STPG2: variants seen among roughly 807,000 people sequenced by gnomAD.
The protein encoded by STPG2 is sperm-tail PG-rich repeat-containing protein 2.
A neutral mutation model predicts 54.2 loss-of-function variants in STPG2; 56 were observed. The observed-to-expected ratio is 1.03, with a 90% CI of 0.83 to 1.29. The LOEUF (loss-of-function observed/expected upper bound fraction) is 1.29. Ranked by LOEUF, STPG2 falls within the 50% of genes most tolerant of loss-of-function variation. The pLI is 0.00. For synonymous variants in STPG2, 200 were observed against 181.8 expected (o/e 1.10, Z -0.81); for missense variants, 596 against 544.9 (o/e 1.09, Z -0.93).
At chr4:97,886,197 G>T (rs370305406) in intron 8 of STPG2, among the ~76,000 whole-genome samples, 3 of 152,098 alleles carry the variant, frequency 2.0e-5, no homozygotes, top group Non-Finnish European at 4.4e-5. Flanking sequence ...TGGCAAAATC[G>T]AAGTGTATTC....
At chr4:97,948,738 G>T (rs1474177650) in intron 7 of STPG2, among the ~76,000 whole-genome samples, 1 of 152,026 alleles carries the variant, frequency 6.6e-6, no homozygotes, top group Non-Finnish European at 1.5e-5. Context: ...TTCTTCTGGA[G>T]TTGATTTCTA....
intron 10 of STPG2, among the ~76,000 whole-genome samples, chr4:97,683,792 A>C (rs530769889): frequency 7.2e-5 from 11 of 151,898 alleles, no homozygotes; most frequent in African/African-American, 2.6e-4. Context: ...AAACTAAATA[A>C]AAGTATATAA....
At chr4:97,723,505 A>G (rs1724520866) in intron 9 of STPG2, among the ~76,000 whole-genome samples, 1 of 152,140 alleles carries the variant, frequency 6.6e-6, no homozygotes, top group African/African-American at 2.4e-5. Flanking sequence ...GTATTCACTG[A>G]TATTTTCTTC....
intron 9 of STPG2, among the ~76,000 whole-genome samples, chr4:97,736,594 G>A (rs1725004909): frequency 6.6e-6 from 1 of 152,164 alleles, no homozygotes; most frequent in Non-Finnish European, 1.5e-5. Context: ...TGCCCACGGA[G>A]TCTCACTGAT....
intron 5 of STPG2, among the ~76,000 whole-genome samples, chr4:97,983,461 A>C (rs986799807): frequency 2.0e-5 from 3 of 152,174 alleles, no homozygotes; most frequent in Non-Finnish European, 4.4e-5. Context: ...TCAGAGGTCA[A>C]CTGTACTTAG....
chr4:98,087,174 A>T (rs970980739), intron 5 of STPG2, among the ~76,000 whole-genome samples: 1 of 152,190 alleles, frequency 6.6e-6, no homozygotes, highest in African/African-American at 2.4e-5. Flanking sequence ...AAGATAATAG[A>T]ATACAGGTTC....
rs149491374 is a variant in STPG2, at chr4:97,949,805, G to A, written c.934-5798C>T. Among the ~76,000 whole-genome samples, 122 of 152,242 alleles carry A rather than the reference G, an allele frequency of 8.0e-4. 2 individuals are homozygous for A. The East Asian group carries it at 0.021, about 27-fold the overall frequency. ...GGTTACCTGATGCTTTTGCCTCATG[G>A]CTCTTAGAATTATTTCATTCACATT... On this transcript the variant is annotated intron_variant, in intron 7 of 10. Coordinates refer to ENST00000295268, the MANE Select transcript of STPG2 (RefSeq NM_174952.3).
intron 3 of STPG2, among the ~76,000 whole-genome samples, chr4:98,112,653 C>T (rs918615042): frequency 6.6e-6 from 1 of 152,012 alleles, no homozygotes; most frequent in African/African-American, 2.4e-5. Context: ...TATAGTTTTT[C>T]TAAAGAGTTA....
At chr4:97,714,356 T>A (rs1724223929) in intron 9 of STPG2, among the ~76,000 whole-genome samples, 1 of 152,156 alleles carries the variant, frequency 6.6e-6, no homozygotes, top group Admixed American at 6.6e-5. Flanking sequence ...CATTCTAATA[T>A]CAGCTCAATT....
At position 98,060,698 on chromosome 4, in the gene STPG2, G is replaced by T. The variant is rs184220710; in HGVS notation, c.612+45255C>A. 1.5e-3 allele frequency among the ~76,000 whole-genome samples: 227 copies of T among 152,166 alleles called. 1 individual carries two copies. The highest frequency in any genetic ancestry group is 5.3e-3 in the African/African-American group (219 of 41,492). On this transcript the variant is annotated intron_variant, in intron 5 of 10. Transcript: ENST00000295268. ...GGGCTACAGTAACCAAAACAGCATG[G>T]CACTGGTACAAAAACAGGCACATAG...
At chr4:97,797,821 C>T (rs948185723) in intron 9 of STPG2, among the ~76,000 whole-genome samples, 5 of 152,194 alleles carry the variant, frequency 3.3e-5, no homozygotes, top group African/African-American at 1.2e-4. Context: ...TGGTCCTGGA[C>T]TTTTTTTGGT....
intron 4 of STPG2, among the ~76,000 whole-genome samples, chr4:97,463,878 A>G (rs1469561622): frequency 2.0e-5 from 3 of 152,078 alleles, no homozygotes; most frequent in Non-Finnish European, 4.4e-5. Flanking sequence ...TTCTTTTTCT[A>G]TTCTGAGATC....
chr4:97,926,083 T>A (rs979029327), intron 8 of STPG2, among the ~76,000 whole-genome samples: 4 of 152,160 alleles, frequency 2.6e-5, no homozygotes, highest in African/African-American at 9.7e-5. Flanking sequence ...TCCTGACTGA[T>A]CATAGGCCCT....
intron 9 of STPG2, among the ~76,000 whole-genome samples, chr4:97,827,622 T>C (rs908218557): frequency 1.3e-5 from 2 of 152,182 alleles, no homozygotes; most frequent in Non-Finnish European, 2.9e-5. Context: ...TTCTCCAAAA[T>C]TGGAAAACAA....
chr4:97,805,731 ATTTT>A (rs1020632284), intron 9 of STPG2, among the ~76,000 whole-genome samples: 1 of 149,196 alleles, frequency 6.7e-6, no homozygotes, highest in African/African-American at 2.5e-5. Flanking sequence ...TACTCTGTTA[ATTTT>A]TTTTTTCACT....
At chr4:98,027,031 T>C (rs1171000203) in intron 5 of STPG2, among the ~76,000 whole-genome samples, 1 of 152,220 alleles carries the variant, frequency 6.6e-6, no homozygotes, top group Non-Finnish European at 1.5e-5. Flanking sequence ...CTGGACCACA[T>C]GAGTCTGTCA....
intron 6 of STPG2, among the ~76,000 whole-genome samples, chr4:97,979,229 G>A (rs750614629): frequency 2.0e-5 from 3 of 149,232 alleles, no homozygotes; most frequent in East Asian, 3.9e-4. Context: ...AAGCTACAGC[G>A]GCAAACACAG....
intron 9 of STPG2, among the ~76,000 whole-genome samples, chr4:97,737,680 A>C (rs936439500): frequency 1.3e-5 from 2 of 152,160 alleles, no homozygotes; most frequent in Non-Finnish European, 2.9e-5. Flanking sequence ...AAAAAGAAAC[A>C]AACAAAGCAT....
chr4:97,842,083 A>AT (rs1258624623), intron 8 of STPG2, among the ~76,000 whole-genome samples: 2 of 151,726 alleles, frequency 1.3e-5, no homozygotes, highest in African/African-American at 4.8e-5. Context: ...TAGAAAACAC[A>AT]TTTTTTCTTG....
Sources: gnomAD v4.1 joint callset for allele counts (sites outside exome capture counted in the v4.1 genomes callset) on GRCh38, gnomAD v4.1.1 for gene constraint, MANE v1.5 for transcripts, NCBI Gene and HGNC (gene_info 2026-07-23, HGNC 2026-07-21) for gene names.